DLGAP1: variants seen among roughly 807,000 people sequenced by gnomAD.
DLGAP1 encodes the protein DLG associated protein 1, also known as disks large-associated protein 1.
In DLGAP1, 11 loss-of-function variants were observed where a neutral mutation model predicts 90.8. The observed-to-expected ratio is 0.12, with a 90% CI of 0.08 to 0.20. The LOEUF is 0.20. Among genes scored for constraint, DLGAP1 ranks in the 10% least tolerant of loss-of-function variants. The pLI is 1.00. For missense variants in DLGAP1, 1,050 were observed against 1,333.8 expected, an observed-to-expected ratio of 0.79 and a Z score of 3.31; for synonymous variants, 558 against 540.7, an observed-to-expected ratio of 1.03 and a Z score of -0.44.
intron 3 of DLGAP1, among the ~76,000 whole-genome samples, chr18:3,945,189 A>T (rs1255143228): frequency 1.3e-5 from 2 of 152,186 alleles, no homozygotes; most frequent in African/African-American, 4.8e-5. Flanking sequence ...GGTTGATGTG[A>T]GGATTTAAAG....
At chr18:4,434,404 A>G (rs1359671873) in intron 1 of DLGAP1, among the ~76,000 whole-genome samples, 1 of 152,212 alleles carries the variant, frequency 6.6e-6, no homozygotes, top group East Asian at 1.9e-4. Context: ...TAGGTTCTGC[A>G]CCTGGTTTTC....
At chr18:4,053,430 A>G (rs1324381486) in intron 2 of DLGAP1, among the ~76,000 whole-genome samples, 4 of 152,088 alleles carry the variant, frequency 2.6e-5, no homozygotes, top group Non-Finnish European at 4.4e-5. Context: ...TGATGCAATT[A>G]CCTCCCACTG....
intron 4 of DLGAP1, among the ~76,000 whole-genome samples, chr18:3,871,638 T>C (rs1016988438): frequency 1.3e-5 from 2 of 152,176 alleles, no homozygotes; most frequent in African/African-American, 2.4e-5. Context: ...ACACGAATGG[T>C]CCAAGGTGAA....
At chr18:4,158,262 TAA>T (rs35097743) in intron 1 of DLGAP1, among the ~76,000 whole-genome samples, 28,178 of 152,098 alleles carry the variant, frequency 0.19, 3,284 homozygotes, top group Middle Eastern at 0.28. Flanking sequence ...AAATTTGTGC[TAA>T]GTTTATATTT....
intron 3 of DLGAP1, among the ~76,000 whole-genome samples, chr18:3,904,703 G>T (rs1239623783): frequency 6.6e-6 from 1 of 152,126 alleles, no homozygotes; most frequent in East Asian, 1.9e-4. Context: ...ATTAAAGCAA[G>T]GCTGTTAAGA....
chr18:3,648,527 T>C (rs2059196299), intron 7 of DLGAP1, among the ~76,000 whole-genome samples: 1 of 152,208 alleles, frequency 6.6e-6, no homozygotes, highest in Non-Finnish European at 1.5e-5. Flanking sequence ...AAATTAATAG[T>C]AAGGTCAGAC....
intron 1 of DLGAP1, among the ~76,000 whole-genome samples, chr18:4,373,223 C>T (rs1185854776): frequency 6.6e-6 from 1 of 152,036 alleles, no homozygotes; most frequent in African/African-American, 2.4e-5. Context: ...GGAAATAAAA[C>T]AGCTACAGTA....
At chr18:4,095,704 A>G (rs1598394679) in intron 2 of DLGAP1, among the ~76,000 whole-genome samples, 2 of 152,022 alleles carry the variant, frequency 1.3e-5, no homozygotes, top group East Asian at 3.9e-4. Context: ...GGAATTTGAC[A>G]TCAACCTTCA....
intron 2 of DLGAP1, among the ~76,000 whole-genome samples, chr18:4,132,200 T>C (rs2076327339): frequency 1.3e-5 from 2 of 152,186 alleles, no homozygotes; most frequent in Admixed American, 6.5e-5. Flanking sequence ...CTTTAGACAA[T>C]TCATTCTTTT....
At chr18:3,576,887 C>T (rs1486534656) in intron 8 of DLGAP1, among the ~76,000 whole-genome samples, 2 of 129,694 alleles carry the variant, frequency 1.5e-5, no homozygotes, top group East Asian at 2.4e-4. Flanking sequence ...CTTGAGACGG[C>T]GTTTCACTCT....
chr18:3,677,386 C>G (rs530666419), intron 7 of DLGAP1, among the ~76,000 whole-genome samples: 1 of 152,290 alleles, frequency 6.6e-6, no homozygotes, highest in African/African-American at 2.4e-5. Context: ...TTAACCTGAC[C>G]CACACCCTCA....
At chr18:3,794,270 T>C (rs2065877591) in intron 5 of DLGAP1, among the ~76,000 whole-genome samples, 1 of 152,164 alleles carries the variant, frequency 6.6e-6, no homozygotes, top group Non-Finnish European at 1.5e-5. Context: ...GGTGACAGCT[T>C]GGAGGTCAGT....
chr18:4,048,450 C>A lies in DLGAP1; in HGVS notation c.-158-43249G>T, dbSNP rs991892656. On this transcript the variant is annotated intron_variant, in intron 2 of 12. Coordinates refer to ENST00000315677, the MANE Select transcript of DLGAP1 (RefSeq NM_004746.4). Reference sequence around the variant, plus strand: ...GATCAAGAATGAAGCTTGCAGTTTGCCAAATCTTTTTTGGTCAGAAGTGGC... The same window carrying A: ...GATCAAGAATGAAGCTTGCAGTTTGACAAATCTTTTTTGGTCAGAAGTGGC... 7.9e-5 allele frequency among the ~76,000 whole-genome samples: 12 copies of A among 152,286 alleles called. No individual in the cohort carries two copies. In the East Asian group the frequency reaches 2.3e-3, roughly 29 times the overall value.
chr18:3,755,794 G>A (rs1206750940), intron 5 of DLGAP1, among the ~76,000 whole-genome samples: 1 of 152,066 alleles, frequency 6.6e-6, no homozygotes, highest in Admixed American at 6.6e-5. Flanking sequence ...CGAAGACCTC[G>A]AAGACACTAT....
chr18:3,823,666 T>C (rs1282763323), intron 4 of DLGAP1, among the ~76,000 whole-genome samples: 1 of 152,152 alleles, frequency 6.6e-6, no homozygotes, highest in Non-Finnish European at 1.5e-5. Flanking sequence ...ATTTTGGAAC[T>C]TGTAACAAGT....
chr18:3,756,078 C>T (rs1186838195), intron 5 of DLGAP1, among the ~76,000 whole-genome samples: 3 of 151,568 alleles, frequency 2.0e-5, no homozygotes, highest in Non-Finnish European at 4.4e-5. Flanking sequence ...GAGGTGGAGT[C>T]TCACTCTGTC....
chr18:4,183,364 A>T (rs1453834313), intron 1 of DLGAP1, among the ~76,000 whole-genome samples: 2 of 152,142 alleles, frequency 1.3e-5, no homozygotes, highest in Non-Finnish European at 2.9e-5. Flanking sequence ...AAGAAGAGAG[A>T]TATACCAGGA....
intron 7 of DLGAP1, among the ~76,000 whole-genome samples, chr18:3,583,659 T>C (rs1244149536): frequency 6.6e-6 from 1 of 152,216 alleles, no homozygotes; most frequent in African/African-American, 2.4e-5. Context: ...GTCAAGGGCC[T>C]GAATCTGACT....
chr18:3,797,887 T>C (rs2066081199), intron 5 of DLGAP1, among the ~76,000 whole-genome samples: 1 of 152,168 alleles, frequency 6.6e-6, no homozygotes, highest in Non-Finnish European at 1.5e-5. Context: ...TGGTAGAAGA[T>C]AATTGAATCA....
Sources: allele counts gnomAD v4.1 joint callset (sites outside exome capture counted in the v4.1 genomes callset), GRCh38; gene constraint gnomAD v4.1.1; transcripts MANE v1.5; gene names NCBI Gene and HGNC (gene_info 2026-07-23, HGNC 2026-07-21).